The following CCDC144A variants were observed in gnomAD, a reference collection of about 807,000 sequenced individuals.
CCDC144A encodes the protein coiled-coil domain-containing protein 144A.
A neutral mutation model predicts 143.8 loss-of-function variants in CCDC144A; 41 were observed. The ratio of observed to expected loss-of-function variants is 0.29; its 90% CI spans 0.22 to 0.37. The LOEUF (loss-of-function observed/expected upper bound fraction) is 0.37, where lower values mean the gene tolerates loss of function less well. CCDC144A is among the 10% of genes least tolerant of loss of function. The pLI, the probability that CCDC144A is intolerant of heterozygous loss-of-function variation, is 1.00. For missense variants in CCDC144A, 637 were observed against 1,488.8 expected, an observed-to-expected ratio of 0.43 and a Z score of 9.41; for synonymous variants, 242 against 517.9, an observed-to-expected ratio of 0.47 and a Z score of 7.23.
In CCDC144A at chr17:16,708,970, A is replaced by G. The variant is rs1487080977; in HGVS notation, c.913A>G (p.Ile305Val). Residue 305 changes from isoleucine (I) to valine (V), a missense_variant, in exon 5 of 17, where the codon ATT becomes GTT. Transcript: ENST00000399273. ...INELKQRFGEIYEKYKIPACP... is the reference protein window; with the variant it reads ...INELKQRFGEVYEKYKIPACP... ...TGAGTTAAAGCAGAGGTTTGGTGAA[A>G]TTTATGAAAAATACAAAATTCCGGC... 1.2e-6 allele frequency: 2 copies of G among 1,611,644 alleles called. No homozygotes were observed. Among genetic ancestry groups the G allele is most frequent in the East Asian group, 4.5e-5 (2 of 44,858 alleles).
chr17:16,756,758 A>G (rs1173410666), intron 12 of CCDC144A, among the ~76,000 whole-genome samples: 1 of 151,518 alleles, frequency 6.6e-6, no homozygotes, highest in Admixed American at 6.6e-5. Context: ...CAGTCACTTC[A>G]TCTAGTTTTA....
At chr17:16,761,055 C>T (rs1358420436) in intron 12 of CCDC144A, among the ~76,000 whole-genome samples, 3 of 150,340 alleles carry the variant, frequency 2.0e-5, no homozygotes, top group Admixed American at 6.6e-5. Context: ...TGGCTGGGCG[C>T]GGTGGCTCAC....
At chr17:16,703,380 A>C (rs1911840229) in intron 2 of CCDC144A, among the ~76,000 whole-genome samples, 1 of 152,046 alleles carries the variant, frequency 6.6e-6, no homozygotes, top group South Asian at 2.1e-4. Context: ...CTGGATCTCA[A>C]AGTCTCTTCA....
At chr17:16,714,350 G>A (rs1912618676) in intron 6 of CCDC144A, among the ~76,000 whole-genome samples, 1 of 152,088 alleles carries the variant, frequency 6.6e-6, no homozygotes, top group Admixed American at 6.5e-5. Flanking sequence ...GATTGGTCAC[G>A]AACTGTTGGG....
chr17:16,709,172 T>C lies in CCDC144A; in HGVS notation c.1115T>C (p.Ile372Thr), dbSNP rs1912237106. Residue 372 changes from isoleucine to threonine, a missense_variant, in exon 5 of 17, where the codon ATC (isoleucine) becomes ACC (threonine). Coordinates refer to ENST00000399273, the MANE Select transcript of CCDC144A (RefSeq NM_001382000.1). The part of the protein sequence containing the change: ...PEQKEPSLKN[I>T]IHPYYHPYSG... ...CAAAAAGAACCCAGTCTCAAAAATA[T>C]CATCCATCCATACTATCATCCATAC... 6.2e-7 allele frequency: 1 copy of C among 1,611,580 alleles called. No homozygotes were observed. The highest frequency in any genetic ancestry group is 1.3e-5 in the African/African-American group (1 of 74,842).
chr17:16,746,320 C>G (rs1914514405), intron 12 of CCDC144A: 3 of 1,078,218 alleles, frequency 2.8e-6, no homozygotes, highest in Non-Finnish European at 2.6e-6. Flanking sequence ...TTTCCTCTTC[C>G]CGCAAACGTT....
chr17:16,694,583 A>AT (rs1486501596), intron 2 of CCDC144A, among the ~76,000 whole-genome samples: 11 of 152,156 alleles, frequency 7.2e-5, no homozygotes, highest in Non-Finnish European at 2.9e-5. Flanking sequence ...TCAGAAAAAA[A>AT]CAAAAACACA....
chr17:16,728,763 C>T (rs1480105948), intron 9 of CCDC144A, among the ~76,000 whole-genome samples: 1 of 152,064 alleles, frequency 6.6e-6, no homozygotes, highest in Admixed American at 6.6e-5. Context: ...TCTGATTCTC[C>T]GATGTCCATT....
chr17:16,725,059 CAT>C (rs888475080), intron 8 of CCDC144A, among the ~76,000 whole-genome samples: 1 of 86,794 alleles, frequency 1.2e-5, no homozygotes, highest in Non-Finnish European at 2.1e-5. Context: ...TTGGTATTAA[CAT>C]AGCCATTTCT....
At chr17:16,669,909 GC>G in the CCDC144A span, among the ~76,000 whole-genome samples, 1 of 152,072 alleles carries the variant, frequency 6.6e-6, no homozygotes, top group East Asian at 1.9e-4. Flanking sequence ...CTATTGTTAG[GC>G]CAGGCCCGGT....
At chr17:16,749,944 G>A (rs573234238) in intron 12 of CCDC144A, among the ~76,000 whole-genome samples, 8 of 152,186 alleles carry the variant, frequency 5.3e-5, no homozygotes, top group Middle Eastern at 3.4e-3. Context: ...ACAGATCTTC[G>A]TCCATCTCTT....
At chr17:16,691,813 A>G (rs1911102154) in intron 1 of CCDC144A, 1 of 152,388 alleles carries the variant, frequency 6.6e-6, no homozygotes, top group Admixed American at 6.5e-5. Flanking sequence ...TCAGCAGCAA[A>G]CATATACTGA....
At chr17:16,718,569 T>G in intron 6 of CCDC144A, among the ~76,000 whole-genome samples, 1 of 151,564 alleles carries the variant, frequency 6.6e-6, no homozygotes, top group Non-Finnish European at 1.5e-5. Flanking sequence ...ACTGAACCTG[T>G]GAATGGTGAC....
chr17:16,724,529 A>G (rs1210014592), intron 8 of CCDC144A, among the ~76,000 whole-genome samples: 6 of 149,468 alleles, frequency 4.0e-5, no homozygotes, highest in African/African-American at 1.5e-4. Flanking sequence ...AAAAAAAAAA[A>G]AGATTGATTG....
intron 12 of CCDC144A, among the ~76,000 whole-genome samples, chr17:16,747,501 T>G (rs1351033141): frequency 1.3e-5 from 2 of 152,224 alleles, no homozygotes; most frequent in Non-Finnish European, 2.9e-5. Context: ...GTAGATTGCT[T>G]TGGGCAGTAT....
rs1340365416 is a variant in CCDC144A, at chr17:16,709,353, C to T, written c.1296C>T (p.Asn432=). The T allele has an allele frequency of 3.1e-6, 5 of 1,611,550 alleles. No individual in the cohort carries two copies. The South Asian group carries it at 3.3e-5, about 11-fold the overall frequency. The part of the protein sequence containing the change: ...HNDASTKKAR[N]PEVVMVEMKE... ...ATGCAAGCACTAAGAAAGCAAGGAA[C>T]CCAGAAGTGGTTATGGTTGAAATGA... Residue 432 remains asparagine, a synonymous_variant, in exon 5 of 17, where the codon AAC becomes AAT. Transcript: ENST00000399273.
intron 12 of CCDC144A, among the ~76,000 whole-genome samples, chr17:16,758,422 C>A (rs1304114306): frequency 6.6e-6 from 1 of 152,200 alleles, no homozygotes; most frequent in Non-Finnish European, 1.5e-5. Flanking sequence ...TGCGGTATAA[C>A]CCCTTGAGTG....
At chr17:16,737,241 A>C (rs1331215915) in intron 12 of CCDC144A, among the ~76,000 whole-genome samples, 1 of 131,854 alleles carries the variant, frequency 7.6e-6, no homozygotes. Flanking sequence ...ATCTCGGCTC[A>C]CTGCAAGCTC....
At chr17:16,737,887 A>T (rs896082581) in intron 12 of CCDC144A, among the ~76,000 whole-genome samples, 7 of 152,058 alleles carry the variant, frequency 4.6e-5, no homozygotes, top group African/African-American at 1.7e-4. Context: ...CATTTTAAAA[A>T]TAAGGATCAT....
Sources: allele counts gnomAD v4.1 joint callset (sites outside exome capture counted in the v4.1 genomes callset), GRCh38; gene constraint gnomAD v4.1.1; transcripts MANE v1.5; gene names NCBI Gene and HGNC (gene_info 2026-07-23, HGNC 2026-07-21).